The following LPP variants were observed in gnomAD, a reference collection of about 807,000 sequenced individuals.
LPP encodes LIM domain containing preferred translocation partner in lipoma, also known as lipoma-preferred partner.
In LPP, 38 loss-of-function variants were observed where a neutral mutation model predicts 60.4. The observed-to-expected ratio is 0.63, with a 90% CI of 0.49 to 0.83. The LOEUF is 0.83. LPP is among the 40% of genes least tolerant of loss of function. LPP has a pLI of 0.00. For missense variants in LPP, 902 were observed against 783.6 expected, an observed-to-expected ratio of 1.15 and a Z score of -1.80; for synonymous variants, 328 against 290.8, an observed-to-expected ratio of 1.13 and a Z score of -1.30.
At chr3:188,403,474 T>A (rs2148833219) in intron 3 of LPP, among the ~76,000 whole-genome samples, 1 of 152,348 alleles carries the variant, frequency 6.6e-6, no homozygotes, top group East Asian at 1.9e-4. Flanking sequence ...TTAACATTTA[T>A]ACTACCAATG....
chr3:188,632,064 C>T (rs1847933818), intron 7 of LPP, among the ~76,000 whole-genome samples: 2 of 152,150 alleles, frequency 1.3e-5, no homozygotes, highest in South Asian at 4.1e-4. Context: ...CTCGTCAAAG[C>T]ATGTTTATTT....
chr3:188,813,172 TAA>T (rs1751549955), intron 9 of LPP, among the ~76,000 whole-genome samples: 1 of 152,216 alleles, frequency 6.6e-6, no homozygotes. Flanking sequence ...GGTCTTTGAA[TAA>T]TATAAATTGT....
At chr3:188,743,289 A>G (rs564850786) in intron 8 of LPP, among the ~76,000 whole-genome samples, 1 of 152,228 alleles carries the variant, frequency 6.6e-6, no homozygotes, top group Admixed American at 6.6e-5. Flanking sequence ...CAGACTTGGG[A>G]TCAAATGCAG....
At chr3:188,286,351 A>G (rs79514454) in intron 2 of LPP, among the ~76,000 whole-genome samples, 4,317 of 152,258 alleles carry the variant, frequency 0.028, 75 homozygotes, top group African/African-American at 0.033. Context: ...CAACATGCTT[A>G]TGACCCAGAG....
At chr3:188,220,142 T>C (rs1304654474) in intron 1 of LPP, among the ~76,000 whole-genome samples, 1 of 152,144 alleles carries the variant, frequency 6.6e-6, no homozygotes, top group African/African-American at 2.4e-5. Flanking sequence ...TGTGATACAA[T>C]AGGTGCTCCC....
intron 3 of LPP, among the ~76,000 whole-genome samples, chr3:188,384,315 A>ATTGTATGTTT (rs1777626487): frequency 1.3e-5 from 1 of 78,460 alleles, no homozygotes; most frequent in African/African-American, 5.4e-5. Context: ...TAGTTATGGT[A>ATTGTATGTTT]GTGTATGTAT....
At chr3:188,530,829 T>C (rs1233592527) in intron 6 of LPP, among the ~76,000 whole-genome samples, 1 of 152,192 alleles carries the variant, frequency 6.6e-6, no homozygotes, top group East Asian at 1.9e-4. Flanking sequence ...TTTAAGCTAG[T>C]ATATATCTAA....
At chr3:188,780,173 A>G (rs1189273133) in intron 9 of LPP, among the ~76,000 whole-genome samples, 1 of 152,192 alleles carries the variant, frequency 6.6e-6, no homozygotes, top group Non-Finnish European at 1.5e-5. Context: ...CCGACGAGGT[A>G]CAGAAATCAG....
chr3:188,550,577 CA>C (rs67052080), intron 6 of LPP, among the ~76,000 whole-genome samples: 306 of 66,890 alleles, frequency 4.6e-3, no homozygotes, highest in Middle Eastern at 0.021. Context: ...GACTCCATCT[CA>C]AAAAAAAAAA....
intron 3 of LPP, among the ~76,000 whole-genome samples, chr3:188,367,271 G>A (rs953105077): frequency 2.0e-5 from 3 of 152,014 alleles, no homozygotes; most frequent in African/African-American, 4.8e-5. Context: ...CCTTAGCATG[G>A]CCTATTATCA....
chr3:188,562,625 T>G (rs1185436342), intron 6 of LPP, among the ~76,000 whole-genome samples: 3 of 152,018 alleles, frequency 2.0e-5, no homozygotes, highest in African/African-American at 7.2e-5. Context: ...ATCTTCTCCT[T>G]GAAATGTAAC....
intron 3 of LPP, among the ~76,000 whole-genome samples, chr3:188,360,046 G>A (rs1182388239): frequency 1.3e-5 from 2 of 152,154 alleles, no homozygotes; most frequent in East Asian, 3.9e-4. Flanking sequence ...CATTATTTTA[G>A]ACCTTCTTTA....
chr3:188,660,152 A>G (rs1198247119), intron 7 of LPP, among the ~76,000 whole-genome samples: 1 of 152,120 alleles, frequency 6.6e-6, no homozygotes, highest in African/African-American at 2.4e-5. Flanking sequence ...TTGGTTTTAC[A>G]TTCTCTCCTT....
At chr3:188,841,309 C>T (rs199816903) in intron 9 of LPP, among the ~76,000 whole-genome samples, 1 of 26,346 alleles carries the variant, frequency 3.8e-5, no homozygotes, top group Non-Finnish European at 6.8e-5. Flanking sequence ...GTCCTGACAA[C>T]TTAAGCTCAT....
intron 9 of LPP, among the ~76,000 whole-genome samples, chr3:188,831,902 G>A (rs1006455146): frequency 3.3e-5 from 5 of 152,126 alleles, no homozygotes; most frequent in African/African-American, 1.2e-4. Context: ...ATTAACAGAG[G>A]ATCTCATAAA....
chr3:188,623,107 T>C (rs1846125648), intron 7 of LPP, among the ~76,000 whole-genome samples: 1 of 151,356 alleles, frequency 6.6e-6, no homozygotes, highest in African/African-American at 2.4e-5. Context: ...ATTGTATGGA[T>C]GACTAGATCA....
intron 9 of LPP, among the ~76,000 whole-genome samples, chr3:188,828,951 T>C (rs948938608): frequency 6.6e-6 from 1 of 152,182 alleles, no homozygotes; most frequent in Non-Finnish European, 1.5e-5. Flanking sequence ...GCCTCTAGTA[T>C]TACATGCTTC....
chr3:188,598,969 T>C (rs990311527), intron 6 of LPP, among the ~76,000 whole-genome samples: 19 of 152,134 alleles, frequency 1.2e-4, no homozygotes, highest in African/African-American at 4.1e-4. Flanking sequence ...TCTGGTCCCT[T>C]GAGGAGATGC....
intron 3 of LPP, among the ~76,000 whole-genome samples, chr3:188,405,800 G>A (rs2148860854): frequency 6.6e-6 from 1 of 152,228 alleles, no homozygotes; most frequent in African/African-American, 2.4e-5. Context: ...CCCAAGAGTG[G>A]CTAGGCACTA....
Sources: gnomAD v4.1 joint callset for allele counts (sites outside exome capture counted in the v4.1 genomes callset) on GRCh38, gnomAD v4.1.1 for gene constraint, MANE v1.5 for transcripts, NCBI Gene and HGNC (gene_info 2026-07-23, HGNC 2026-07-21) for gene names.